Variants in IL6 observed in about 807,000 individuals in gnomAD.
IL6 encodes the protein interleukin 6.
In IL6, 5 loss-of-function variants were observed where a neutral mutation model predicts 18.0. The observed-to-expected ratio is 0.28, with a 90% confidence interval of 0.15 to 0.58. IL6 has a LOEUF of 0.58. IL6 is among the 20% of genes least tolerant of loss of function. The probability of loss-of-function intolerance (pLI) is 0.90; values close to 1 mark genes in which losing one functional copy is unlikely to be tolerated. For missense variants in IL6, 266 were observed against 251.0 expected (o/e 1.06, Z -0.40); for synonymous variants, 97 against 95.1 (o/e 1.02, Z -0.12).
rs201335041 is a variant in IL6, at chr7:22,731,495, G to A, written c.561G>A (p.Gln187=). The A allele has an allele frequency of 2.0e-5, 32 of 1,609,668 alleles. No homozygotes were observed. The highest frequency in any genetic ancestry group is 2.6e-5 in the Non-Finnish European group (31 of 1,176,840). The part of the protein sequence containing the change: ...TKLQAQNQWL[Q]DMTTHLILRS... Reference sequence around the variant, plus strand: ...TGCAGGCACAGAACCAGTGGCTGCAGGACATGACAACTCATCTCATTCTGC... The same window carrying A: ...TGCAGGCACAGAACCAGTGGCTGCAAGACATGACAACTCATCTCATTCTGC... Residue 187 remains glutamine (Q), a synonymous_variant, in exon 5 of 5, where the codon CAG becomes CAA. Coordinates refer to ENST00000258743, the MANE Select transcript of IL6 (RefSeq NM_000600.5).
rs761024140 is a variant in IL6, at chr7:22,727,283, T to C, written c.19+2T>C. 6.2e-7 allele frequency: 1 copy of C among 1,613,800 alleles called. No individual in the cohort carries two copies. The highest frequency in any genetic ancestry group is 8.5e-7 in the Non-Finnish European group (1 of 1,179,970). ...CAGCTATGAACTCCTTCTCCACAAGTAAGTGCAGGAAATCCTTAGCCCTGG... is the reference window on the plus strand; with the variant it reads ...CAGCTATGAACTCCTTCTCCACAAGCAAGTGCAGGAAATCCTTAGCCCTGG... On this transcript the variant is annotated splice_donor_variant, in intron 1 of 4. Coordinates refer to ENST00000258743, the MANE Select transcript of IL6 (RefSeq NM_000600.5). LOFTEE classifies it high-confidence loss of function.
At chr7:22,731,353 C>T (rs1200574500) in intron 4 of IL6, 53 bp from the exon 5 acceptor site, 1 of 1,401,238 alleles carries the variant, frequency 7.1e-7, no homozygotes, top group African/African-American at 1.4e-5. Flanking sequence ...CCCTCCACTG[C>T]AAAGGATTTA....
At chr7:22,728,572 T>C (rs1451093487) in intron 2 of IL6, 121 bp from the exon 3 acceptor site, 2 of 653,462 alleles carry the variant, frequency 3.1e-6, no homozygotes, top group Non-Finnish European at 5.5e-6. Context: ...AGGATGCCAA[T>C]GAGTTGTAGC....
At chr7:22,729,481 G>A (rs35361244) in intron 3 of IL6, 33 bp from the exon 4 acceptor site, 125 of 1,599,580 alleles carry the variant, frequency 7.8e-5, no homozygotes, top group South Asian at 2.7e-4. Flanking sequence ...ATCTCCTGGC[G>A]ATAACCAATT....
chr7:22,727,652 T>G lies in IL6; in HGVS notation c.210+18T>G, dbSNP rs781015903. On this transcript the variant is annotated intron_variant, in intron 2 of 4. Coordinates refer to ENST00000258743, the MANE Select transcript of IL6 (RefSeq NM_000600.5). The stretch of plus-strand genomic sequence containing the variant: ...GAAAGGAGGTGGGTAGGCTTGGCGA[T>G]GGGGTTGAAGGGCCCGGTGCGCATG... The G allele has an allele frequency of 6.5e-7, 1 of 1,535,038 alleles. No individual in the cohort carries two copies. Among genetic ancestry groups the G allele is most frequent in the South Asian group, 1.3e-5 (1 of 76,946 alleles).
chr7:22,730,193 AG>A, intron 4 of IL6: 1 of 985,260 alleles, frequency 1.0e-6, no homozygotes, highest in Non-Finnish European at 1.2e-6. Flanking sequence ...GACAGCAGGG[AG>A]TAGACTTGCT....
chr7:22,730,050 G>A, intron 4 of IL6: 1 of 985,368 alleles, frequency 1.0e-6, no homozygotes, highest in Non-Finnish European at 1.2e-6. Context: ...ATTGCCAAGT[G>A]ACATTCTTCT....
Position 22,729,568 on chromosome 7 carries a change from G to A in IL6, c.379G>A (p.Glu127Lys). Residue 127 changes from glutamate to lysine, a missense_variant, in exon 4 of 5, where the codon GAG (glutamate) becomes AAG (lysine). Physicochemically the swap from Glu to Lys is moderately conservative, Grantham distance 56. Transcript: ENST00000258743. The stretch of plus-strand genomic sequence containing the variant: ...TCTTTTGGAGTTTGAGGTATACCTA[G>A]AGTACCTCCAGAACAGATTTGAGAG... ...TGLLEFEVYL[E>K]YLQNRFESSE... The A allele has an allele frequency of 6.2e-7, 1 of 1,614,158 alleles. No homozygotes were observed. The highest frequency in any genetic ancestry group is 2.2e-5 in the East Asian group (1 of 44,890).
chr7:22,729,408 C>A, intron 3 of IL6, 106 bp from the exon 4 acceptor site: 1 of 1,074,114 alleles, frequency 9.3e-7, no homozygotes, highest in Non-Finnish European at 1.4e-6. Context: ...ACTTGAAGTT[C>A]TCTAGAGGAG....
chr7:22,727,404 GCTGTCAGCTCA>G (rs755805002), intron 1 of IL6, 29 bp from the exon 2 acceptor site: 1 of 1,613,400 alleles, frequency 6.2e-7, no homozygotes, highest in South Asian at 1.1e-5. Flanking sequence ...TCCCAGCTGT[GCTGTCAGCTCA>G]CCCCTGCGCT....
At chr7:22,731,334 C>G in intron 4 of IL6, 72 bp from the exon 5 acceptor site, 1 of 1,231,202 alleles carries the variant, frequency 8.1e-7, no homozygotes, top group Non-Finnish European at 1.1e-6. Context: ...ATCCCATAGC[C>G]CAGAGCATCC....
Position 22,727,557 on chromosome 7 carries a change from C to A in IL6, c.133C>A (p.Gln45Lys). 6.2e-7 allele frequency: 1 copy of A among 1,609,870 alleles called. No homozygotes were observed. The highest frequency in any genetic ancestry group is 8.5e-7 in the Non-Finnish European group (1 of 1,178,258). The change falls in exon 2 of 5, where the codon CAG becomes AAG. Residue 45 changes from glutamine (Q) to lysine (K), a missense_variant. Transcript: ENST00000258743. ...CAAAGATGTAGCCGCCCCACACAGACAGCCACTCACCTCTTCAGAACGAAT... is the reference window on the plus strand; with the variant it reads ...CAAAGATGTAGCCGCCCCACACAGAAAGCCACTCACCTCTTCAGAACGAAT... ...DSKDVAAPHR[Q>K]PLTSSERIDK...
In IL6 at chr7:22,727,300, T is replaced by C. The variant is rs778852405; in HGVS notation, c.19+19T>C. 5 of 1,613,954 alleles carry C rather than the reference T, an allele frequency of 3.1e-6. No homozygotes were observed. In the Admixed American group the frequency reaches 5.0e-5, roughly 16 times the overall value. On this transcript the variant is annotated intron_variant, in intron 1 of 4. Coordinates refer to ENST00000258743, the MANE Select transcript of IL6 (RefSeq NM_000600.5). ...TCCACAAGTAAGTGCAGGAAATCCT[T>C]AGCCCTGGAACTGCCAGCGGCGGTC...
In IL6 at chr7:22,728,510, G is replaced by A. The variant is rs1055359688; in HGVS notation, c.211-183G>A. 4 of 575,608 alleles carry A rather than the reference G, an allele frequency of 6.9e-6. No individual in the cohort carries two copies. In the African/African-American group the frequency reaches 7.5e-5, roughly 11 times the overall value. 35.7% of individuals were successfully genotyped at this position (575,608 alleles called of 1,614,324 possible). ...AAGTAACACACCTAAAGTCACAGGT[G>A]AGCTTGGAACTGAACCCAAGTGTGC... On this transcript the variant is annotated intron_variant, in intron 2 of 4. Coordinates refer to ENST00000258743, the MANE Select transcript of IL6 (RefSeq NM_000600.5).
chr7:22,731,534 G>C lies in IL6; in HGVS notation c.600G>C (p.Glu200Asp), dbSNP rs201777722. Residue 200 changes from glutamate to aspartate, a missense_variant, in exon 5 of 5, where the codon GAG (glutamate) becomes GAC (aspartate). Coordinates refer to ENST00000258743, the MANE Select transcript of IL6 (RefSeq NM_000600.5). ...TTHLILRSFK[E>D]FLQSSLRALR... ...ATCTCATTCTGCGCAGCTTTAAGGA[G>C]TTCCTGCAGTCCAGCCTGAGGGCTC... 12 of 1,605,424 alleles carry C rather than the reference G, an allele frequency of 7.5e-6. No individual in the cohort carries two copies. Among genetic ancestry groups the C allele is most frequent in the Non-Finnish European group, 1.0e-5 (12 of 1,173,800 alleles).
chr7:22,729,779 G>A (rs768768787), intron 4 of IL6, 119 bp downstream of exon 4: 1 of 1,567,028 alleles, frequency 6.4e-7, no homozygotes, highest in Non-Finnish European at 8.7e-7. Flanking sequence ...GTAAACAAAA[G>A]AGTCTGAGAA....
Position 22,729,609 on chromosome 7 carries a change from CA to C in IL6, c.421del (p.Arg141GlufsTer5), listed in dbSNP as rs1784085485. ...NRFESSEEQARAVQMSTKVLI... is the reference protein window; with the variant it reads ...NRFESSEEQAXAVQMSTKVLI... ...GATTTGAGAGTAGTGAGGAACAAGC[CA>C]GAGCTGTGCAGATGAGTACAAAAGT... On this transcript the variant is annotated frameshift_variant, in exon 4 of 5. Coordinates refer to ENST00000258743, the MANE Select transcript of IL6 (RefSeq NM_000600.5). LOFTEE classifies it low-confidence loss of function (END_TRUNC). 6.2e-7 allele frequency: 1 copy of C among 1,613,938 alleles called. No individual in the cohort carries two copies. Among genetic ancestry groups the C allele is most frequent in the Admixed American group, 1.7e-5 (1 of 59,994 alleles).
In IL6 at chr7:22,731,398, T is replaced by A. The variant is rs1252818003; in HGVS notation, c.472-8T>A. 6.4e-7 allele frequency: 1 copy of A among 1,561,326 alleles called. No individual in the cohort carries two copies. The highest frequency in any genetic ancestry group is 8.7e-7 in the Non-Finnish European group (1 of 1,146,068). ...TAAACAATCCTTTTTACTTTCATTT[T>A]CCTTCAGGCAAAGAATCTAGATGCA... On this transcript the variant is annotated splice_region_variant and splice_polypyrimidine_tract_variant and intron_variant, in intron 4 of 4. Coordinates refer to ENST00000258743, the MANE Select transcript of IL6 (RefSeq NM_000600.5).
rs1278939141 is a variant in IL6, at chr7:22,728,844, G to C, written c.324+38G>C. On this transcript the variant is annotated intron_variant, in intron 3 of 4. Transcript: ENST00000258743. ...CGCACTCACTTTTCACTATTCCTTA[G>C]GCAAAACTTCTCCCTCTTGCATGCA... The C allele has an allele frequency of 4.2e-6, 5 of 1,199,390 alleles. No homozygotes were observed. In the South Asian group the frequency reaches 4.9e-5, roughly 12 times the overall value. The allele number at this position is 1,199,390 out of a possible 1,614,324, so 74.3% of individuals were successfully genotyped here. A position where few individuals can be genotyped will look rare whatever the true frequency, so the allele number is the denominator to read the frequency against.
Sources: allele counts gnomAD v4.1 joint callset, GRCh38; gene constraint gnomAD v4.1.1; transcripts MANE v1.5; gene names NCBI Gene and HGNC (gene_info 2026-07-23, HGNC 2026-07-21).